RIC8B: variants seen among roughly 807,000 people sequenced by gnomAD.
RIC8B encodes chaperone Ric-8B.
In RIC8B, 16 loss-of-function variants were observed where a neutral mutation model predicts 57.5. The ratio of observed to expected loss-of-function variants is 0.28; its 90% CI spans 0.19 to 0.42. The LOEUF is 0.42. RIC8B is among the 10% of genes least tolerant of loss of function. The pLI, the probability that RIC8B is intolerant of heterozygous loss-of-function variation, is 1.00. For synonymous variants in RIC8B, 216 were observed against 250.8 expected (o/e 0.86, Z 1.31); for missense variants, 481 against 677.0 (o/e 0.71, Z 3.21).
intron 4 of RIC8B, among the ~76,000 whole-genome samples, chr12:106,829,051 T>C (rs1031290666): frequency 2.0e-5 from 3 of 152,232 alleles, no homozygotes; most frequent in African/African-American, 7.2e-5. Context: ...GACATGGACA[T>C]AGAGATGAAA....
At chr12:106,844,000 T>C (rs1462925234) in intron 6 of RIC8B, 53 bp downstream of exon 6, 1 of 1,186,936 alleles carries the variant, frequency 8.4e-7, no homozygotes, top group East Asian at 2.3e-5. Context: ...ATGTGCATTT[T>C]AAACATAGAA....
At chr12:106,785,809 CTCTCTGTG>C (rs781506312) in intron 2 of RIC8B, among the ~76,000 whole-genome samples, 22 of 128,116 alleles carry the variant, frequency 1.7e-4, no homozygotes, top group African/African-American at 6.0e-4. Context: ...CTCTCTCTCT[CTCTCTGTG>C]TGTGTGTGTG....
chr12:106,822,541 C>T (rs942166182), intron 3 of RIC8B: 1 of 152,204 alleles, frequency 6.6e-6, no homozygotes, highest in Non-Finnish European at 1.5e-5. Context: ...GTGGCATATT[C>T]ATACATTGGA....
chr12:106,787,491 G>A (rs778509207), intron 2 of RIC8B, among the ~76,000 whole-genome samples: 23 of 152,084 alleles, frequency 1.5e-4, no homozygotes, highest in Non-Finnish European at 2.9e-4. Context: ...TGCCCAATTC[G>A]TTTGCTCCCT....
intron 3 of RIC8B, among the ~76,000 whole-genome samples, chr12:106,816,154 C>T (rs898052620): frequency 6.6e-6 from 1 of 150,442 alleles, no homozygotes; most frequent in African/African-American, 2.5e-5. Flanking sequence ...TGTTGAAATT[C>T]ACCCCCTCCT....
At chr12:106,851,015 G>A (rs117064958) in intron 6 of RIC8B, among the ~76,000 whole-genome samples, 2,837 of 152,152 alleles carry the variant, frequency 0.019, 53 homozygotes, top group Non-Finnish European at 0.026. Context: ...TTTGGATAAG[G>A]TATACTCAAC....
chr12:106,866,193 T>C (rs2136551759), intron 8 of RIC8B, among the ~76,000 whole-genome samples: 1 of 152,296 alleles, frequency 6.6e-6, no homozygotes, highest in Non-Finnish European at 1.5e-5. Flanking sequence ...TTTTTTGGTC[T>C]GTTTTTGTTC....
At chr12:106,785,139 G>C (rs961893533) in intron 2 of RIC8B, among the ~76,000 whole-genome samples, 16 of 152,160 alleles carry the variant, frequency 1.1e-4, no homozygotes, top group Non-Finnish European at 1.2e-4. Context: ...TGGGTGCTCA[G>C]TGATCTGTCA....
intron 3 of RIC8B, chr12:106,822,674 A>G (rs1338458692): frequency 6.6e-6 from 1 of 152,242 alleles, no homozygotes; most frequent in Non-Finnish European, 1.5e-5. Context: ...AAACTGCTCA[A>G]AAGTTTCTAA....
At chr12:106,850,080 A>G (rs1228670000) in intron 6 of RIC8B, among the ~76,000 whole-genome samples, 1 of 152,238 alleles carries the variant, frequency 6.6e-6, no homozygotes, top group Non-Finnish European at 1.5e-5. Context: ...AGATTCTCAT[A>G]GGAGCACAAA....
chr12:106,784,114 G>T, intron 2 of RIC8B, 70 bp downstream of exon 2: 1 of 1,378,214 alleles, frequency 7.3e-7, no homozygotes, highest in Non-Finnish European at 1.0e-6. Context: ...TCTAAGCAGT[G>T]GTCATGTTTT....
intron 2 of RIC8B, among the ~76,000 whole-genome samples, chr12:106,792,770 C>T (rs570404500): frequency 7.9e-5 from 12 of 152,236 alleles, no homozygotes; most frequent in Non-Finnish European, 1.8e-4. Context: ...CGCCACTGCA[C>T]TCCAGCATGG....
intron 8 of RIC8B, among the ~76,000 whole-genome samples, chr12:106,861,924 G>C (rs1949956663): frequency 6.6e-6 from 1 of 152,064 alleles, no homozygotes; most frequent in South Asian, 2.1e-4. Flanking sequence ...ATCTCAATAT[G>C]TATTGTTAGT....
At chr12:106,853,140 T>TA (rs1243662141) in intron 7 of RIC8B, among the ~76,000 whole-genome samples, 2 of 152,146 alleles carry the variant, frequency 1.3e-5, no homozygotes, top group Non-Finnish European at 2.9e-5. Flanking sequence ...TAAAAAGTTT[T>TA]AAAATGGGGA....
At chr12:106,786,912 A>G (rs2044055516) in intron 2 of RIC8B, among the ~76,000 whole-genome samples, 2 of 152,318 alleles carry the variant, frequency 1.3e-5, no homozygotes, top group South Asian at 2.1e-4. Context: ...TACTATATCC[A>G]TAGATTCATG....
intron 2 of RIC8B, among the ~76,000 whole-genome samples, chr12:106,804,742 C>T (rs2044926880): frequency 6.6e-6 from 1 of 152,164 alleles, no homozygotes; most frequent in Non-Finnish European, 1.5e-5. Flanking sequence ...ACAGACCCTG[C>T]CCCCGCCAAA....
intron 1 of RIC8B, chr12:106,775,519 ATCCTGTGAGGTATT>A (rs1410459218): frequency 2.9e-6 from 1 of 349,438 alleles, no homozygotes; most frequent in East Asian, 7.5e-5. Flanking sequence ...TCTTACAGCA[ATCCTGTGAGGTATT>A]ATCTGCATTT....
At chr12:106,863,890 A>G (rs1021809416) in intron 8 of RIC8B, among the ~76,000 whole-genome samples, 5 of 152,166 alleles carry the variant, frequency 3.3e-5, no homozygotes, top group African/African-American at 9.7e-5. Flanking sequence ...AAAAAGCACT[A>G]TAATTTAAAA....
chr12:106,877,439 A>T (rs1332465853), intron 9 of RIC8B, among the ~76,000 whole-genome samples: 1 of 152,204 alleles, frequency 6.6e-6, no homozygotes, highest in Non-Finnish European at 1.5e-5. Flanking sequence ...TATTTACTTT[A>T]GAAGAGAACT....
Sources: gnomAD v4.1 joint callset for allele counts (sites outside exome capture counted in the v4.1 genomes callset) on GRCh38, gnomAD v4.1.1 for gene constraint, MANE v1.5 for transcripts, NCBI Gene and HGNC (gene_info 2026-07-23, HGNC 2026-07-21) for gene names.